Variants in NHSL3 observed in about 807,000 individuals in gnomAD.
NHSL3 encodes the protein NHS like 3.
At chr1:32,770,556 T>C in the NHSL3 span, 10 of 1,525,398 alleles carry the variant, frequency 6.6e-6, no homozygotes, top group South Asian at 6.5e-5. The surrounding 1 kb of genome is among the most constrained non-coding windows in gnomAD (Gnocchi z 8.3). Flanking sequence ...AGGGAGGCAG[T>C]GGGAGGGGCT....
At chr1:32,765,879 C>T in the NHSL3 span, 6 of 1,476,780 alleles carry the variant, frequency 4.1e-6, no homozygotes, top group Admixed American at 7.9e-5. Context: ...GCCTCCCTTT[C>T]CCAGACCCTT....
chr1:32,743,743 G>A, the NHSL3 span, among the ~76,000 whole-genome samples: 1 of 152,210 alleles, frequency 6.6e-6, no homozygotes, highest in Non-Finnish European at 1.5e-5. Context: ...TGCTCCAACA[G>A]CCTGGGTTTG....
At chr1:32,757,845 G>A in the NHSL3 span, among the ~76,000 whole-genome samples, 556 of 152,250 alleles carry the variant, frequency 3.7e-3, 2 homozygotes, top group African/African-American at 0.012. Flanking sequence ...ATAGAAGGGT[G>A]TCATCTTATG....
the NHSL3 span, among the ~76,000 whole-genome samples, chr1:32,756,340 C>A: frequency 2.0e-5 from 3 of 151,634 alleles, no homozygotes; most frequent in African/African-American, 7.3e-5. Flanking sequence ...GGGGTATGGC[C>A]GTGAGTAAAG....
At chr1:32,765,793 C>A in the NHSL3 span, 1 of 1,547,876 alleles carries the variant, frequency 6.5e-7, no homozygotes, top group Non-Finnish European at 8.7e-7. Flanking sequence ...TTGGCCGCCG[C>A]CTCCCGGCGC....
the NHSL3 span, among the ~76,000 whole-genome samples, chr1:32,750,760 C>A: frequency 6.6e-6 from 1 of 151,870 alleles, no homozygotes. Flanking sequence ...CCCGCCTCAG[C>A]CTTCCAAAGT....
the NHSL3 span, chr1:32,770,341 G>A: frequency 1.2e-6 from 2 of 1,611,328 alleles, no homozygotes; most frequent in Non-Finnish European, 1.7e-6. This position sits in a 1 kb window ranked among gnomAD's most constrained non-coding sequence, Gnocchi z 8.3. Flanking sequence ...GGCCAGCCCA[G>A]CCTCAGTCCG....
the NHSL3 span, among the ~76,000 whole-genome samples, chr1:32,763,389 T>A: frequency 6.6e-6 from 1 of 152,114 alleles, no homozygotes; most frequent in African/African-American, 2.4e-5. Flanking sequence ...CTACCATTCT[T>A]TCCATTGCTC....
the NHSL3 span, among the ~76,000 whole-genome samples, chr1:32,744,945 G>A: frequency 1.3e-5 from 2 of 151,956 alleles, no homozygotes; most frequent in African/African-American, 2.4e-5. Flanking sequence ...GGGCAACACG[G>A]TGAAACCCCG....
chr1:32,746,085 GC>G, the NHSL3 span, among the ~76,000 whole-genome samples: 1 of 151,940 alleles, frequency 6.6e-6, no homozygotes, highest in African/African-American at 2.4e-5. Context: ...CAAAAAATTA[GC>G]CAGGTGTGGT....
At chr1:32,771,613 G>T in the NHSL3 span, 2 of 1,613,150 alleles carry the variant, frequency 1.2e-6, no homozygotes, top group Non-Finnish European at 1.7e-6. Context: ...CCCAGAGCTT[G>T]TCAGCTCCCC....
chr1:32,761,166 G>A, the NHSL3 span, among the ~76,000 whole-genome samples: 2 of 152,154 alleles, frequency 1.3e-5, no homozygotes, highest in African/African-American at 4.8e-5. Context: ...ACTGCCAGGG[G>A]CAGAAATCCC....
At chr1:32,773,804 G>A in the NHSL3 span, 1 of 152,832 alleles carries the variant, frequency 6.5e-6, no homozygotes, top group African/African-American at 2.4e-5. Context: ...CTGGAGGGGG[G>A]GAGCTTCCTT....
chr1:32,757,253 C>T, the NHSL3 span, among the ~76,000 whole-genome samples: 2 of 152,008 alleles, frequency 1.3e-5, no homozygotes, highest in South Asian at 2.1e-4. Context: ...CTGGAGTCTG[C>T]AGGCCACAGG....
At chr1:32,744,547 T>G in the NHSL3 span, among the ~76,000 whole-genome samples, 2 of 152,210 alleles carry the variant, frequency 1.3e-5, no homozygotes, top group Non-Finnish European at 2.9e-5. Context: ...AGGTAAGGCT[T>G]GAAGATCTTC....
chr1:32,757,870 C>T, the NHSL3 span, among the ~76,000 whole-genome samples: 2 of 152,158 alleles, frequency 1.3e-5, no homozygotes, highest in African/African-American at 4.8e-5. Context: ...CCTGCACGTC[C>T]TCTGGGCAGA....
At chr1:32,768,699 G>A in the NHSL3 span, 5 of 1,614,172 alleles carry the variant, frequency 3.1e-6, no homozygotes, top group East Asian at 1.1e-4. Flanking sequence ...TCTGCAGTCA[G>A]ACCACATCCT....
the NHSL3 span, chr1:32,772,067 C>A: frequency 6.2e-7 from 1 of 1,612,362 alleles, no homozygotes; most frequent in East Asian, 2.2e-5. Flanking sequence ...CCACGGCCTC[C>A]CCAGTCCCCT....
At chr1:32,765,620 C>T in the NHSL3 span, 2 of 1,520,258 alleles carry the variant, frequency 1.3e-6, no homozygotes, top group African/African-American at 1.4e-5. Flanking sequence ...GAGAGCAGCC[C>T]CTCCCCCTCC....
Sources: allele counts gnomAD v4.1 joint callset (sites outside exome capture counted in the v4.1 genomes callset), GRCh38; gene constraint gnomAD v4.1.1; non-coding constraint Gnocchi (gnomAD v3.1); transcripts MANE v1.5; gene names NCBI Gene and HGNC (gene_info 2026-07-23, HGNC 2026-07-21).